Variants in RETREG2 observed in about 807,000 individuals in gnomAD.
RETREG2 encodes the protein reticulophagy regulator family member 2, also known as reticulophagy regulator 2.
RETREG2 carries 21 observed loss-of-function variants against 51.6 expected under a neutral mutation model. The observed-to-expected ratio is 0.41, with a 90% CI of 0.29 to 0.59. The LOEUF (loss-of-function observed/expected upper bound fraction) is 0.59. RETREG2 is among the 20% of genes least tolerant of loss of function. The pLI is 0.34. For missense variants in RETREG2, 674 were observed against 646.0 expected, an observed-to-expected ratio of 1.04 and a Z score of -0.47; for synonymous variants, 339 against 288.6, an observed-to-expected ratio of 1.17 and a Z score of -1.77.
At chr2:219,181,506 G>A in intron 7 of RETREG2, 43 bp downstream of exon 7, 1 of 1,609,538 alleles carries the variant, frequency 6.2e-7, no homozygotes, top group Middle Eastern at 1.7e-4. Context: ...GAAAGCCAGA[G>A]GAAAAATCTT....
rs142503044 is a variant in RETREG2 at position 219,182,451 on chromosome 2, A to T, written c.1454A>T (p.Glu485Val). 7.1e-3 allele frequency: 11,522 copies of T among 1,613,708 alleles called. 351 individuals are homozygous for T. The Admixed American group carries it at 0.089, about 12-fold the overall frequency. Residue 485 changes from glutamate (E) to valine (V), a missense_variant, in exon 9 of 9, where the codon GAG becomes GTG. Glu to Val is a moderately radical substitution (Grantham distance 121, BLOSUM62 -2). Transcript: ENST00000430297. The stretch of plus-strand genomic sequence containing the variant: ...CCCCTGCCTGCCCCTGAGGAAGAAG[A>T]GGCACTCACCACTGAGGACTTTGAG... ...PQPLPAPEEE[E>V]ALTTEDFELL...
Position 219,182,311 on chromosome 2 carries a change from G to A in RETREG2, c.1314G>A (p.Val438=). The A allele has an allele frequency of 6.2e-7, 1 of 1,614,116 alleles. No individual in the cohort carries two copies. Among genetic ancestry groups the A allele is most frequent in the Non-Finnish European group, 8.5e-7 (1 of 1,180,016 alleles). The change falls in exon 9 of 9, where the codon GTG becomes GTA. Residue 438 remains valine, a synonymous_variant. Coordinates refer to ENST00000430297, the MANE Select transcript of RETREG2 (RefSeq NM_024293.6). ...TGGAGACACTGAGCCCCGAGACAGT[G>A]AGTGGTGGCCTCACTGCTCTGCCCG... ...GPVETLSPET[V]SGGLTALPGT...
rs781762517 is a variant in RETREG2, at chr2:219,180,750, T to A, written c.636T>A (p.Ile212=). The A allele has an allele frequency of 3.1e-6, 5 of 1,614,100 alleles. No individual in the cohort carries two copies. Among genetic ancestry groups the A allele is most frequent in the Non-Finnish European group, 4.2e-6 (5 of 1,179,958 alleles). Residue 212 remains isoleucine, a synonymous_variant, in exon 5 of 9, where the codon ATT becomes ATA. Transcript: ENST00000430297. ...HYVPGIMISY[I]VLLSILLWPL... is the part of the protein sequence containing the mutation. ...TTCCAGGGATTATGATTTCCTACAT[T>A]GTCTGTGAGTAGGGTCTGTCCCTGC...
intron 1 of RETREG2, 110 bp from the exon 2 acceptor site, chr2:219,178,811 GT>G: frequency 9.1e-7 from 1 of 1,104,724 alleles, no homozygotes; most frequent in Non-Finnish European, 1.3e-6. Flanking sequence ...TGAGTCGCGA[GT>G]TAGGCCTGGA....
Position 219,182,909 on chromosome 2 carries a change from C to G in RETREG2, c.*280C>G. On this transcript the variant is annotated 3_prime_UTR_variant, in exon 9 of 9. Transcript: ENST00000430297. ...TCCTTCCCACAGCCTGCGCTTGCCTCCCTGCCTCATCTCTATTCTCATTCC... is the reference window on the plus strand; with the variant it reads ...TCCTTCCCACAGCCTGCGCTTGCCTGCCTGCCTCATCTCTATTCTCATTCC... 8.4e-6 allele frequency: 4 copies of G among 478,432 alleles called. No homozygotes were observed. Among genetic ancestry groups the G allele is most frequent in the South Asian group, 5.1e-5 (2 of 38,932 alleles). The allele number at this position is 478,432 out of a possible 1,614,324, so 29.6% of individuals were successfully genotyped here.
rs1950248567 is a variant in RETREG2 at position 219,179,717 on chromosome 2, C to T, written c.389-16C>T. The T allele has an allele frequency of 3.7e-6, 6 of 1,613,894 alleles. No homozygotes were observed. The highest frequency in any genetic ancestry group is 1.7e-4 in the Middle Eastern group (1 of 6,058). On this transcript the variant is annotated splice_polypyrimidine_tract_variant and intron_variant, in intron 2 of 8. Transcript: ENST00000430297. ...CCCCTACCACTCAATAATTTGCCCC[C>T]CTCCTCTCTCTCTAGCATCATCCCC...
intron 3 of RETREG2, 124 bp downstream of exon 3, chr2:219,179,887 T>A: frequency 2.4e-6 from 3 of 1,257,606 alleles, no homozygotes; most frequent in Non-Finnish European, 3.5e-6. Flanking sequence ...GCCATGGGTT[T>A]TTCATGGTCC....
rs928796881 is a variant in RETREG2 at position 219,182,409 on chromosome 2, C to T, written c.1412C>T (p.Pro471Leu). 19 of 1,613,952 alleles carry T rather than the reference C, an allele frequency of 1.2e-5. No homozygotes were observed. Among genetic ancestry groups the T allele is most frequent in the Non-Finnish European group, 1.6e-5 (19 of 1,180,012 alleles). The stretch of plus-strand genomic sequence containing the variant: ...TCCCCTTCCATTCTCCCACCTGTTC[C>T]CCAGGACTCACCCCAGCCCCTGCCT... ...APSPSILPPV[P>L]QDSPQPLPAP... The change falls in exon 9 of 9, where the codon CCC becomes CTC. Residue 471 changes from proline to leucine, a missense_variant. Physicochemically the swap from Pro to Leu is moderately conservative, Grantham distance 98. Coordinates refer to ENST00000430297, the MANE Select transcript of RETREG2 (RefSeq NM_024293.6).
chr2:219,180,957 G>T, intron 5 of RETREG2, 105 bp from the exon 6 acceptor site: 1 of 1,520,084 alleles, frequency 6.6e-7, no homozygotes. Context: ...ACAGCCTTGG[G>T]AAAGGACCTT....
At position 219,184,692 on chromosome 2, in the gene RETREG2, T is replaced by G. The variant is rs1194753076; in HGVS notation, c.*2063T>G. ...TGCAACATGTCCTATCTTTAATCTA[T>G]TTTCTTATTAAGCTTGGACATTGAC... On this transcript the variant is annotated 3_prime_UTR_variant, in exon 9 of 9. Coordinates refer to ENST00000430297, the MANE Select transcript of RETREG2 (RefSeq NM_024293.6). 1 of 152,204 alleles carries G rather than the reference T, an allele frequency of 6.6e-6. No individual in the cohort carries two copies. The highest frequency in any genetic ancestry group is 2.4e-5 in the African/African-American group (1 of 41,456). 9.4% of individuals were successfully genotyped at this position (152,204 alleles called of 1,614,324 possible). A position where few individuals can be genotyped will look rare whatever the true frequency, so the allele number is the denominator to read the frequency against.
Position 219,182,073 on chromosome 2 carries a change from A to T in RETREG2, c.1076A>T (p.Glu359Val). ...PEETLSRDLG[E>V]GEEGELAPPE... Reference sequence around the variant, plus strand: ...GAGACCCTAAGCCGGGACCTAGGGGAGGGAGAGGAGGGAGAGCTGGCCCCT... The same window carrying T: ...GAGACCCTAAGCCGGGACCTAGGGGTGGGAGAGGAGGGAGAGCTGGCCCCT... Residue 359 changes from glutamate (E) to valine (V), a missense_variant, in exon 9 of 9, where the codon GAG becomes GTG. Physicochemically the swap from Glu to Val is moderately radical, Grantham distance 121 (BLOSUM62 -2). Coordinates refer to ENST00000430297, the MANE Select transcript of RETREG2 (RefSeq NM_024293.6). 1 of 1,614,008 alleles carries T rather than the reference A, an allele frequency of 6.2e-7. No homozygotes were observed. Among genetic ancestry groups the T allele is most frequent in the Non-Finnish European group, 8.5e-7 (1 of 1,179,966 alleles).
rs564032552 is a variant in RETREG2 at position 219,182,151 on chromosome 2, C to T, written c.1154C>T (p.Ser385Leu). The change falls in exon 9 of 9, where the codon TCG (serine) becomes TTG (leucine). Residue 385 changes from serine to leucine, a missense_variant. Transcript: ENST00000430297. ...PQALSRQALD[S>L]EEEEEDVAAK... ...GCTCTGTCAAGGCAAGCCCTGGACTCGGAGGAAGAGGAAGAGGATGTGGCA... is the reference window on the plus strand; with the variant it reads ...GCTCTGTCAAGGCAAGCCCTGGACTTGGAGGAAGAGGAAGAGGATGTGGCA... The T allele has an allele frequency of 4.0e-5, 65 of 1,613,310 alleles. No individual in the cohort carries two copies. In the East Asian group the frequency reaches 7.8e-4, roughly 19 times the overall value.
chr2:219,178,349 G>T lies in RETREG2; in HGVS notation c.-4G>T, dbSNP rs1388942544. The stretch of plus-strand genomic sequence containing the variant: ...CGGGCTCGGGCGGCGGCTGCGGCGG[G>T]GCTATGGCGAGCGGCGGTGGCGGGG... On this transcript the variant is annotated 5_prime_UTR_variant, in exon 1 of 9. Transcript: ENST00000430297. The T allele has an allele frequency of 6.8e-6, 3 of 441,108 alleles. No homozygotes were observed. Among genetic ancestry groups the T allele is most frequent in the African/African-American group, 2.1e-5 (1 of 48,648 alleles). 27.3% of individuals were successfully genotyped at this position (441,108 alleles called of 1,614,324 possible).
chr2:219,182,721 G>T lies in RETREG2; in HGVS notation c.*92G>T. On this transcript the variant is annotated 3_prime_UTR_variant, in exon 9 of 9. Transcript: ENST00000430297. Reference sequence around the variant, plus strand: ...CCTTTGCCTACCACTCTGGGGTGGGGCAGTGTGTGGGGAAGCTGGCTGTCG... The same window carrying T: ...CCTTTGCCTACCACTCTGGGGTGGGTCAGTGTGTGGGGAAGCTGGCTGTCG... 1 of 1,475,850 alleles carries T rather than the reference G, an allele frequency of 6.8e-7. No individual in the cohort carries two copies. Among genetic ancestry groups the T allele is most frequent in the Non-Finnish European group, 9.2e-7 (1 of 1,090,718 alleles). The allele number at this position is 1,475,850 out of a possible 1,614,324, so 91.4% of individuals were successfully genotyped here.
chr2:219,181,212 G>A lies in RETREG2; in HGVS notation c.784+7G>A. ...CACAAACACGACAAGAGGAGTAAGG[G>A]GCTGCCCTAAGCCAGGAGGGTGAAA... On this transcript the variant is annotated splice_region_variant and intron_variant, in intron 6 of 8. Coordinates refer to ENST00000430297, the MANE Select transcript of RETREG2 (RefSeq NM_024293.6). 1.2e-6 allele frequency: 2 copies of A among 1,614,042 alleles called. No individual in the cohort carries two copies. Among genetic ancestry groups the A allele is most frequent in the Non-Finnish European group, 1.7e-6 (2 of 1,179,982 alleles).
chr2:219,183,245 CTG>C lies in RETREG2; in HGVS notation c.*620_*621del, dbSNP rs1331691421. The C allele has an allele frequency of 6.5e-6, 1 of 154,936 alleles. No homozygotes were observed. The highest frequency in any genetic ancestry group is 1.4e-5 in the Non-Finnish European group (1 of 69,478). 9.6% of individuals were successfully genotyped at this position (154,936 alleles called of 1,614,324 possible). A position where few individuals can be genotyped will look rare whatever the true frequency, so the allele number is the denominator to read the frequency against. ...AGTTACACTCTTAGGTCACTGTAGTCTGTGTAACCTTCACTGCATCCTTGCCC... is the reference window on the plus strand; with the variant it reads ...AGTTACACTCTTAGGTCACTGTAGTCTGTAACCTTCACTGCATCCTTGCCC... On this transcript the variant is annotated 3_prime_UTR_variant, in exon 9 of 9. Coordinates refer to ENST00000430297, the MANE Select transcript of RETREG2 (RefSeq NM_024293.6).
At chr2:219,181,323 CCATCATT>C in intron 6 of RETREG2, 39 bp from the exon 7 acceptor site, 5 of 1,607,600 alleles carry the variant, frequency 3.1e-6, no homozygotes, top group Non-Finnish European at 4.3e-6. Flanking sequence ...GTCTCCCCTC[CCATCATT>C]CATGCTTGGT....
chr2:219,178,475 GGAGGCGGCCACGGCC>G lies in RETREG2; in HGVS notation c.131_145del (p.Ala44_Ala48del). ...GTGAGGCCACCAGTGAGGCAGAGGAGGAGGCGGCCACGGCCGAGGCGGTGGGACGCCTGGCCACGA... is the reference window on the plus strand; with the variant it reads ...GTGAGGCCACCAGTGAGGCAGAGGAGGAGGCGGTGGGACGCCTGGCCACGA... On this transcript the variant is annotated inframe_deletion, in exon 1 of 9. Coordinates refer to ENST00000430297, the MANE Select transcript of RETREG2 (RefSeq NM_024293.6). The G allele has an allele frequency of 9.4e-7, 1 of 1,066,042 alleles. No individual in the cohort carries two copies. 66.0% of individuals were successfully genotyped at this position (1,066,042 alleles called of 1,614,324 possible).
chr2:219,181,869 A>C, intron 8 of RETREG2, 94 bp downstream of exon 8: 3 of 1,561,430 alleles, frequency 1.9e-6, no homozygotes, highest in Non-Finnish European at 2.6e-6. Flanking sequence ...CTCACTCTCT[A>C]ATTCTCTCAG....
Sources: gnomAD v4.1 joint callset for allele counts on GRCh38, gnomAD v4.1.1 for gene constraint, MANE v1.5 for transcripts, NCBI Gene and HGNC (gene_info 2026-07-23, HGNC 2026-07-21) for gene names.